SMYD3: variants seen among roughly 807,000 people sequenced by gnomAD.
SMYD3 encodes histone-lysine N-methyltransferase SMYD3.
In SMYD3, 36 loss-of-function variants were observed where a neutral mutation model predicts 57.7. That is an observed-to-expected ratio of 0.62 (90% CI 0.48 to 0.82). The LOEUF (loss-of-function observed/expected upper bound fraction) is 0.82, where lower values mean the gene tolerates loss of function less well. Ranked by LOEUF, SMYD3 falls within the 40% of genes least tolerant of loss-of-function variation. The probability of loss-of-function intolerance (pLI) is 0.00; values close to 1 mark genes in which losing one functional copy is unlikely to be tolerated. For missense variants in SMYD3, 515 were observed against 538.8 expected, an observed-to-expected ratio of 0.96 and a Z score of 0.44; for synonymous variants, 211 against 195.0, an observed-to-expected ratio of 1.08 and a Z score of -0.68.
intron 1 of SMYD3, among the ~76,000 whole-genome samples, chr1:246,357,730 GAAGT>G (rs1478580912): frequency 2.0e-5 from 3 of 152,124 alleles, no homozygotes; most frequent in East Asian, 1.9e-4. Flanking sequence ...CTTCATAAAT[GAAGT>G]AAGATACAGT....
intron 5 of SMYD3, among the ~76,000 whole-genome samples, chr1:246,127,897 A>AAAAGG (rs2061532148): frequency 2.6e-5 from 1 of 38,460 alleles, no homozygotes; most frequent in Non-Finnish European, 1.4e-4. Flanking sequence ...CTCTGTCTCA[A>AAAAGG]AAAGAAAAGA....
intron 10 of SMYD3, among the ~76,000 whole-genome samples, chr1:245,823,715 T>G (rs1333189114): frequency 2.0e-5 from 3 of 152,196 alleles, no homozygotes; most frequent in Non-Finnish European, 2.9e-5. Context: ...AAGTAGAGAT[T>G]TCTGCTCTCT....
chr1:245,817,249 G>T (rs1405887297), intron 10 of SMYD3, among the ~76,000 whole-genome samples: 3 of 144,376 alleles, frequency 2.1e-5, no homozygotes, highest in Non-Finnish European at 3.0e-5. Context: ...CCTGACCCCC[G>T]AGCAGCCTAA....
intron 5 of SMYD3, chr1:246,035,656 A>G (rs1041388682): frequency 2.6e-5 from 4 of 152,188 alleles, no homozygotes; most frequent in Non-Finnish European, 5.9e-5. Flanking sequence ...GATTGCCTAT[A>G]TTCCCAATCT....
chr1:245,938,739 T>C (rs2057088433), intron 5 of SMYD3, among the ~76,000 whole-genome samples: 1 of 152,186 alleles, frequency 6.6e-6, no homozygotes, highest in Non-Finnish European at 1.5e-5. Flanking sequence ...TCTCTTCTGG[T>C]ACCATTTTTA....
At chr1:246,451,418 T>C (rs2067630858) in intron 1 of SMYD3, among the ~76,000 whole-genome samples, 1 of 152,206 alleles carries the variant, frequency 6.6e-6, no homozygotes, top group Non-Finnish European at 1.5e-5. Flanking sequence ...TCCAACTGTA[T>C]GACATTTAGG....
intron 10 of SMYD3, among the ~76,000 whole-genome samples, chr1:245,825,000 C>T (rs2049402589): frequency 6.6e-6 from 1 of 152,054 alleles, no homozygotes; most frequent in South Asian, 2.1e-4. Flanking sequence ...CACTGCACTC[C>T]AGCCTGGGCA....
intron 5 of SMYD3, among the ~76,000 whole-genome samples, chr1:245,972,279 C>A (rs2058320463): frequency 6.6e-6 from 1 of 152,306 alleles, no homozygotes; most frequent in East Asian, 1.9e-4. Context: ...AGACCTGCTC[C>A]TGAAGCCATA....
chr1:246,061,638 G>C (rs2060253839), intron 5 of SMYD3, among the ~76,000 whole-genome samples: 3 of 152,142 alleles, frequency 2.0e-5, no homozygotes. Context: ...GCTGAACTGG[G>C]AGGATCGCTT....
chr1:246,312,597 G>A (rs917069220), intron 5 of SMYD3, among the ~76,000 whole-genome samples: 4 of 152,168 alleles, frequency 2.6e-5, no homozygotes, highest in South Asian at 2.1e-4. Context: ...TATGCTGTGC[G>A]GAAGAAAAGG....
At chr1:246,303,304 A>G (rs191326986) in intron 5 of SMYD3, among the ~76,000 whole-genome samples, 3 of 152,256 alleles carry the variant, frequency 2.0e-5, no homozygotes, top group South Asian at 4.1e-4. Context: ...CCCCTGGAGT[A>G]CACACTCTGT....
chr1:245,818,624 A>C (rs1204642596), intron 10 of SMYD3, among the ~76,000 whole-genome samples: 2 of 151,908 alleles, frequency 1.3e-5, no homozygotes, highest in East Asian at 3.9e-4. Flanking sequence ...GTCAAGACCC[A>C]TCAGTGTGCT....
At chr1:246,463,631 C>T (rs193266914) in intron 1 of SMYD3, among the ~76,000 whole-genome samples, 2 of 120,806 alleles carry the variant, frequency 1.7e-5, no homozygotes, top group Admixed American at 1.1e-4. Flanking sequence ...TCGTGGCTAA[C>T]ACGGTGAAAC....
intron 5 of SMYD3, among the ~76,000 whole-genome samples, chr1:246,250,002 A>G (rs1398145578): frequency 1.3e-5 from 2 of 152,004 alleles, no homozygotes; most frequent in Non-Finnish European, 2.9e-5. Context: ...GAGCACATTA[A>G]TAACTGCAGG....
chr1:246,273,177 T>C (rs2064260984), intron 5 of SMYD3, among the ~76,000 whole-genome samples: 3 of 122,320 alleles, frequency 2.5e-5, no homozygotes, highest in Non-Finnish European at 4.9e-5. Context: ...GGGGACAGAG[T>C]CTTGCTCTGT....
chr1:245,916,778 T>C (rs556884986), intron 7 of SMYD3, among the ~76,000 whole-genome samples: 1 of 152,132 alleles, frequency 6.6e-6, no homozygotes, highest in African/African-American at 2.4e-5. Flanking sequence ...GCCAGAGTGA[T>C]TCACATAAAA....
intron 5 of SMYD3, among the ~76,000 whole-genome samples, chr1:246,136,880 G>A (rs541369512): frequency 3.3e-5 from 5 of 152,296 alleles, no homozygotes; most frequent in African/African-American, 4.8e-5. Flanking sequence ...CTTCTGCAGA[G>A]CACAGTCTGC....
chr1:246,426,961 G>A (rs774960364), intron 1 of SMYD3, among the ~76,000 whole-genome samples: 34 of 151,936 alleles, frequency 2.2e-4, no homozygotes, highest in Non-Finnish European at 3.8e-4. Context: ...GTAAATTTGA[G>A]AGCCTATTTA....
rs143811373 is a variant in SMYD3, at chr1:245,884,110, T to G, written c.814-20224A>C. Among the ~76,000 whole-genome samples, 710 of 152,292 alleles carry G rather than the reference T, an allele frequency of 4.7e-3. 3 individuals are homozygous for G. The highest frequency in any genetic ancestry group is 0.015 in the African/African-American group (635 of 41,554). On this transcript the variant is annotated intron_variant, in intron 8 of 11. Coordinates refer to ENST00000490107, the MANE Select transcript of SMYD3 (RefSeq NM_001167740.2). ...TGAAAAAGACTGTTCTTAGAAGACC[T>G]GTACAAAACAAATGCCACCATATCT...
Sources: gnomAD v4.1 joint callset for allele counts (sites outside exome capture counted in the v4.1 genomes callset) on GRCh38, gnomAD v4.1.1 for gene constraint, MANE v1.5 for transcripts, NCBI Gene and HGNC (gene_info 2026-07-23, HGNC 2026-07-21) for gene names.